Variants in FER observed in about 807,000 individuals in gnomAD.
FER encodes the protein FER tyrosine kinase, also known as tyrosine-protein kinase Fer.
Under a neutral mutation model 111.0 loss-of-function variants are expected in FER, and 63 were observed. The ratio of observed to expected loss-of-function variants is 0.57; its 90% CI spans 0.46 to 0.70. The LOEUF is 0.70. FER is among the 30% of genes least tolerant of loss of function. The pLI is 0.00. For missense variants in FER, 914 were observed against 954.0 expected (o/e 0.96, Z 0.55); for synonymous variants, 327 against 313.9 (o/e 1.04, Z -0.44).
chr5:108,997,451 C>T (rs1208389929), intron 13 of FER, among the ~76,000 whole-genome samples: 3 of 151,028 alleles, frequency 2.0e-5, no homozygotes, highest in Admixed American at 1.3e-4. Context: ...TGGGCTGAGA[C>T]GATGGGGTTT....
intron 9 of FER, among the ~76,000 whole-genome samples, chr5:108,889,775 T>C (rs146083721): frequency 1.6e-4 from 24 of 152,056 alleles, no homozygotes; most frequent in African/African-American, 4.8e-4. Context: ...TCTCATGTAC[T>C]TCATAAATAT....
chr5:108,834,867 C>A (rs1186947469), intron 4 of FER, among the ~76,000 whole-genome samples: 1 of 152,034 alleles, frequency 6.6e-6, no homozygotes, highest in African/African-American at 2.4e-5. Flanking sequence ...ATTGGTGATA[C>A]AGAATTTCTT....
chr5:109,100,432 A>C lies in FER; in HGVS notation c.1961A>C (p.Asp654Ala). 2 of 1,611,400 alleles carry C rather than the reference A, an allele frequency of 1.2e-6. No individual in the cohort carries two copies. The highest frequency in any genetic ancestry group is 2.2e-5 in the South Asian group (2 of 90,986). The change falls in exon 17 of 20, where the codon GAT (aspartate) becomes GCT (alanine). Residue 654 changes from aspartate (D) to alanine (A), a missense_variant. Transcript: ENST00000281092. The part of the protein sequence containing the change: ...DFLTFLRRKK[D>A]ELKLKQLVKF... ...CTCACCTTTCTGAGAAGGAAGAAGG[A>C]TGAACTAAAACTCAAACAGTTAGTG...
At chr5:108,827,843 C>T (rs1227151202) in intron 3 of FER, among the ~76,000 whole-genome samples, 3 of 82,936 alleles carry the variant, frequency 3.6e-5, no homozygotes, top group Non-Finnish European at 5.1e-5. Flanking sequence ...TTTTTTTTTC[C>T]CCCAAGACAG....
intron 16 of FER, among the ~76,000 whole-genome samples, chr5:109,078,756 A>G (rs1398405682): frequency 2.0e-5 from 3 of 152,206 alleles, no homozygotes; most frequent in East Asian, 1.9e-4. Context: ...GGGAGTTTGT[A>G]TCTTGAAAAA....
chr5:109,184,744 A>G (rs1414549791), intron 18 of FER, among the ~76,000 whole-genome samples: 1 of 152,230 alleles, frequency 6.6e-6, no homozygotes, highest in African/African-American at 2.4e-5. Flanking sequence ...ATCTACTAAG[A>G]AGGACGCTAC....
At chr5:109,055,679 C>T (rs1773531612) in intron 16 of FER, among the ~76,000 whole-genome samples, 1 of 149,918 alleles carries the variant, frequency 6.7e-6, no homozygotes, top group African/African-American at 2.5e-5. Flanking sequence ...CCCAGCTACT[C>T]AGGAGGCTGA....
intron 13 of FER, among the ~76,000 whole-genome samples, chr5:109,012,473 A>C: frequency 6.6e-6 from 1 of 152,236 alleles, no homozygotes; most frequent in East Asian, 1.9e-4. Flanking sequence ...GTCATCTTTA[A>C]GAGGCATTTA....
chr5:109,185,846 C>T (rs1393291490), intron 18 of FER, among the ~76,000 whole-genome samples: 1 of 152,208 alleles, frequency 6.6e-6, no homozygotes, highest in Non-Finnish European at 1.5e-5. Context: ...GCAGTTTCAT[C>T]ATTCCATGAT....
intron 17 of FER, among the ~76,000 whole-genome samples, chr5:109,158,551 C>A (rs1755653777): frequency 6.6e-6 from 1 of 152,164 alleles, no homozygotes; most frequent in Admixed American, 6.6e-5. Flanking sequence ...TTTTGTCATT[C>A]AATCTACCAT....
intron 17 of FER, among the ~76,000 whole-genome samples, chr5:109,161,289 T>C (rs6861626): frequency 0.38 from 57,305 of 151,842 alleles, 11,050 homozygotes; most frequent in Non-Finnish European, 0.4. Context: ...TTCAGGGGTA[T>C]ATGTGCAGGT....
chr5:109,133,219 C>G (rs999535725), intron 17 of FER, among the ~76,000 whole-genome samples: 7 of 152,076 alleles, frequency 4.6e-5, no homozygotes, highest in Admixed American at 6.6e-5. Context: ...AAGTTCCTGG[C>G]TTTCATTTCA....
intron 16 of FER, among the ~76,000 whole-genome samples, chr5:109,098,509 T>C (rs1333909668): frequency 6.6e-6 from 1 of 151,704 alleles, no homozygotes; most frequent in Non-Finnish European, 1.5e-5. Context: ...ACTATGTGGT[T>C]TCAAAAGCAG....
intron 2 of FER, among the ~76,000 whole-genome samples, chr5:108,774,651 T>A (rs1315144691): frequency 6.6e-6 from 1 of 152,032 alleles, no homozygotes; most frequent in African/African-American, 2.4e-5. Flanking sequence ...TCTTTAACGA[T>A]CAGTGGAGCT....
intron 13 of FER, among the ~76,000 whole-genome samples, chr5:108,976,769 G>A (rs564365267): frequency 1.7e-4 from 26 of 152,236 alleles, no homozygotes; most frequent in African/African-American, 4.8e-4. Context: ...TATTGATACC[G>A]TAAGTTTGTA....
chr5:109,146,253 A>ATCT (rs1491409370), intron 17 of FER, among the ~76,000 whole-genome samples: 1 of 42,130 alleles, frequency 2.4e-5, no homozygotes. Context: ...TAATCTATCT[A>ATCT]ATATATATAT....
At chr5:108,784,676 A>C (rs1010175158) in intron 2 of FER, among the ~76,000 whole-genome samples, 4 of 152,228 alleles carry the variant, frequency 2.6e-5, no homozygotes, top group African/African-American at 9.6e-5. Flanking sequence ...AGTGATAAGC[A>C]TTGTTTCTGT....
intron 11 of FER, among the ~76,000 whole-genome samples, chr5:108,952,897 T>C (rs946442625): frequency 1.4e-4 from 21 of 152,104 alleles, no homozygotes; most frequent in African/African-American, 5.1e-4. Context: ...TTGTTTGGGA[T>C]GCTTTCCTGT....
At chr5:108,784,408 T>C (rs1251681755) in intron 2 of FER, 1 of 153,880 alleles carries the variant, frequency 6.5e-6, no homozygotes, top group Non-Finnish European at 1.5e-5. Flanking sequence ...TTGTGGGCCA[T>C]ACCAAGGACG....
Sources: allele counts gnomAD v4.1 joint callset (sites outside exome capture counted in the v4.1 genomes callset), GRCh38; gene constraint gnomAD v4.1.1; transcripts MANE v1.5; gene names NCBI Gene and HGNC (gene_info 2026-07-23, HGNC 2026-07-21).